Variants in BNIP2 observed in about 807,000 individuals in gnomAD.
BNIP2 encodes BCL2/adenovirus E1B 19 kDa protein-interacting protein 2.
In BNIP2, 36 loss-of-function variants were observed where a neutral mutation model predicts 43.4. The ratio of observed to expected loss-of-function variants is 0.83; its 90% CI spans 0.64 to 1.10. BNIP2 has a LOEUF of 1.10. Among genes scored for constraint, BNIP2 ranks in the 50% least tolerant of loss-of-function variants. The pLI is 0.00. For synonymous variants in BNIP2, 146 were observed against 121.0 expected (o/e 1.21, Z -1.35); for missense variants, 417 against 374.1 (o/e 1.11, Z -0.95).
intron 5 of BNIP2, among the ~76,000 whole-genome samples, chr15:59,674,762 T>C (rs1893161128): frequency 6.6e-6 from 1 of 152,220 alleles, no homozygotes; most frequent in South Asian, 2.1e-4. Context: ...ACCACTAACA[T>C]TCTAGCACTA....
chr15:59,678,114 A>G (rs1893427169), intron 4 of BNIP2, 27 bp from the exon 5 acceptor site: 2 of 1,580,348 alleles, frequency 1.3e-6, no homozygotes, highest in Non-Finnish European at 1.7e-6. Flanking sequence ...TTTTTGAATC[A>G]CAAATTGTTA....
chr15:59,689,033 C>A (rs1438389901), intron 1 of BNIP2, 102 bp downstream of exon 1: 2 of 1,455,882 alleles, frequency 1.4e-6, no homozygotes, highest in Non-Finnish European at 1.8e-6. Context: ...GGTTTCCTCT[C>A]CCCGGACGTC....
intron 4 of BNIP2, chr15:59,679,273 A>G (rs1004133643): frequency 2.8e-4 from 56 of 200,536 alleles, no homozygotes; most frequent in Non-Finnish European, 4.3e-4. Context: ...TCCTTTCAGA[A>G]CTCCCTTCCC....
chr15:59,676,820 T>C (rs1893328418), intron 5 of BNIP2: 3 of 1,542,224 alleles, frequency 1.9e-6, no homozygotes, highest in South Asian at 1.2e-5. Context: ...GCGCCGCTAC[T>C]ACTTCCCTTC....
intron 5 of BNIP2, among the ~76,000 whole-genome samples, chr15:59,675,563 C>T (rs927295772): frequency 5.3e-5 from 8 of 152,038 alleles, no homozygotes; most frequent in Admixed American, 2.0e-4. Flanking sequence ...TGAGCTGTCA[C>T]GCCACTGCAC....
intron 6 of BNIP2, among the ~76,000 whole-genome samples, 161 bp downstream of exon 6, chr15:59,672,476 C>T (rs6151536): frequency 0.33 from 49,914 of 152,028 alleles, 8,531 homozygotes; most frequent in East Asian, 0.54. Flanking sequence ...TTTGTCATAT[C>T]GCCTAGGCTG....
At chr15:59,675,205 C>T (rs1482718868) in intron 5 of BNIP2, among the ~76,000 whole-genome samples, 7 of 149,200 alleles carry the variant, frequency 4.7e-5, no homozygotes, top group African/African-American at 1.5e-4. Flanking sequence ...GCCGAGATTG[C>T]GCCACTGCAC....
chr15:59,673,850 G>A (rs1011092267), intron 5 of BNIP2, among the ~76,000 whole-genome samples: 2 of 152,136 alleles, frequency 1.3e-5, no homozygotes, highest in African/African-American at 4.8e-5. Context: ...CACTTCGGGA[G>A]GCTGAGGTGG....
In BNIP2 at chr15:59,671,205, A is replaced by G. The variant is rs1388149985; in HGVS notation, c.685T>C (p.Cys229Arg). The change falls in exon 7 of 10, where the codon TGT becomes CGT. Residue 229 changes from cysteine (C) to arginine (R), a missense_variant. Coordinates refer to ENST00000607373, the MANE Select transcript of BNIP2 (RefSeq NM_004330.4). The stretch of plus-strand genomic sequence containing the variant: ...TACCTTCTATCAATTTGCTGATAAC[A>G]TTTCCTGAGCCATCCCAGACTGGGC... ...KMPSLGWLRK[C>R]YQQIDRRLRK... 3 of 1,599,602 alleles carry G rather than the reference A, an allele frequency of 1.9e-6. No individual in the cohort carries two copies. Among genetic ancestry groups the G allele is most frequent in the Admixed American group, 3.4e-5 (2 of 58,022 alleles).
chr15:59,682,575 C>T (rs900695059), intron 1 of BNIP2, 61 bp from the exon 2 acceptor site: 29 of 1,312,594 alleles, frequency 2.2e-5, no homozygotes, highest in African/African-American at 8.9e-5. Context: ...ACTGAAAAGG[C>T]GTAATAATCT....
chr15:59,668,623 A>G (rs1311401272), intron 9 of BNIP2: 3 of 339,100 alleles, frequency 8.8e-6, no homozygotes, highest in African/African-American at 4.3e-5. Flanking sequence ...CTCTTAGATT[A>G]TAAGTAGTCT....
chr15:59,680,868 A>G (rs1384964774), intron 2 of BNIP2, among the ~76,000 whole-genome samples: 2 of 152,166 alleles, frequency 1.3e-5, no homozygotes, highest in African/African-American at 4.8e-5. Context: ...AAGCACTAGG[A>G]TTATAGGCGT....
At chr15:59,665,299 A>T (rs1595685742) in intron 9 of BNIP2, 1 of 151,414 alleles carries the variant, frequency 6.6e-6, no homozygotes, top group Non-Finnish European at 1.5e-5. Flanking sequence ...AGAATTTAAC[A>T]TTCAAAAATA....
intron 1 of BNIP2, among the ~76,000 whole-genome samples, chr15:59,688,361 T>G (rs1300284968): frequency 6.6e-6 from 1 of 152,132 alleles, no homozygotes; most frequent in African/African-American, 2.4e-5. Flanking sequence ...AAATCAGGTA[T>G]TAGGTGAAAT....
chr15:59,665,990 A>C (rs1892545982), intron 9 of BNIP2, among the ~76,000 whole-genome samples: 1 of 152,232 alleles, frequency 6.6e-6, no homozygotes, highest in Admixed American at 6.5e-5. Context: ...ATTTCTGATA[A>C]GGCATGCAAA....
intron 5 of BNIP2, among the ~76,000 whole-genome samples, chr15:59,675,575 C>G (rs12903647): frequency 0.33 from 49,915 of 152,016 alleles, 8,523 homozygotes; most frequent in East Asian, 0.54. Flanking sequence ...CCACTGCACT[C>G]CAGCCTGGGT....
In BNIP2 at chr15:59,683,635, G is replaced by A. The variant is rs139116229; in HGVS notation, c.-57-1121C>T. ...AGTTCAAAACCAGCCTGGCCAACAC[G>A]GTGAAACCCAGTCTCTACTAAAAAT... On this transcript the variant is annotated intron_variant, in intron 1 of 9. Coordinates refer to ENST00000607373, the MANE Select transcript of BNIP2 (RefSeq NM_004330.4). Among the ~76,000 whole-genome samples the A allele has an allele frequency of 7.2e-3, 1,097 of 152,270 alleles. 9 individuals are homozygous for A. The highest frequency in any genetic ancestry group is 0.025 in the African/African-American group (1,033 of 41,550).
At chr15:59,677,519 T>A (rs1336638902) in intron 5 of BNIP2, among the ~76,000 whole-genome samples, 1 of 152,216 alleles carries the variant, frequency 6.6e-6, no homozygotes, top group Non-Finnish European at 1.5e-5. Context: ...GTTTTCCTTG[T>A]AAGGTTTTGC....
intron 4 of BNIP2, chr15:59,678,504 T>C: frequency 9.3e-7 from 1 of 1,071,346 alleles, no homozygotes; most frequent in Non-Finnish European, 1.1e-6. Context: ...GTTGAGCACA[T>C]AAATTAACTG....
Sources: allele counts gnomAD v4.1 joint callset (sites outside exome capture counted in the v4.1 genomes callset), GRCh38; gene constraint gnomAD v4.1.1; transcripts MANE v1.5; gene names NCBI Gene and HGNC (gene_info 2026-07-23, HGNC 2026-07-21).